The following FAM193B variants were observed in gnomAD, a reference collection of about 807,000 sequenced individuals.
FAM193B encodes the protein protein FAM193B.
Under a neutral mutation model 70.7 loss-of-function variants are expected in FAM193B, and 27 were observed. That is an observed-to-expected ratio of 0.38 (90% confidence interval 0.28 to 0.53). The LOEUF (loss-of-function observed/expected upper bound fraction) is 0.53, where lower values mean the gene tolerates loss of function less well. FAM193B is among the 20% of genes least tolerant of loss of function. The probability of loss-of-function intolerance (pLI) is 0.81; values close to 1 mark genes in which losing one functional copy is unlikely to be tolerated. For synonymous variants in FAM193B, 448 were observed against 436.0 expected (o/e 1.03, Z -0.34); for missense variants, 1,022 against 1,072.5 (o/e 0.95, Z 0.66).
Position 177,524,731 on chromosome 5 carries a change from C to A in FAM193B, c.1750G>T (p.Val584Leu), listed in dbSNP as rs367800479. The A allele has an allele frequency of 4.5e-6, 7 of 1,553,026 alleles. No homozygotes were observed. In the South Asian group the frequency reaches 7.4e-5, roughly 16 times the overall value. Residue 584 changes from valine to leucine, a missense_variant, in exon 6 of 9, where the codon GTG becomes TTG. Transcript: ENST00000514747. ...PPGIVPENGL[V>L]RRLNTVPNLS... Reference sequence around the variant, plus strand: ...TTGGGCACGGTGTTGAGTCTCCTCACGAGCCCGTTCTCGGGGACGATACCG... The same window carrying A: ...TTGGGCACGGTGTTGAGTCTCCTCAAGAGCCCGTTCTCGGGGACGATACCG...
In FAM193B at chr5:177,534,463, A is replaced by AT. The variant is rs961185759; in HGVS notation, c.1077-1823dup. ...AGACACACGCCACCATGCCCAGCTA[A>AT]TTTTTTTTTTTTGTATTTTTAATAG... On this transcript the variant is annotated intron_variant, in intron 4 of 8. Transcript: ENST00000514747. Among the ~76,000 whole-genome samples, 319 of 144,494 alleles carry AT rather than the reference A, an allele frequency of 2.2e-3. 2 individuals carry two copies. Among genetic ancestry groups the AT allele is most frequent in the African/African-American group, 6.1e-3 (242 of 39,556 alleles). The allele number at this position is 144,494 out of a possible 152,430, so 94.8% of individuals were successfully genotyped here.
Position 177,539,166 on chromosome 5 carries a change from C to G in FAM193B, c.211-19G>C. ...GGGGGACCTGTCCAACAGACAGAAA[C>G]AGGGTTTCCCAGGAGGGGAAAGGCT... is the stretch of plus-strand genomic sequence containing the variant. On this transcript the variant is annotated intron_variant, in intron 1 of 8. Coordinates refer to ENST00000514747, the MANE Select transcript of FAM193B (RefSeq NM_001190946.3). 1 of 1,528,652 alleles carries G rather than the reference C, an allele frequency of 6.5e-7. No individual in the cohort carries two copies. The highest frequency in any genetic ancestry group is 2.4e-5 in the East Asian group (1 of 40,862). 94.7% of individuals were successfully genotyped at this position (1,528,652 alleles called of 1,614,324 possible).
chr5:177,549,187 C>CTTTTTT (rs141797022), intron 1 of FAM193B, among the ~76,000 whole-genome samples: 5 of 93,022 alleles, frequency 5.4e-5, no homozygotes, highest in East Asian at 5.9e-4. Flanking sequence ...ATTGTCTTTT[C>CTTTTTT]TTTTTTTTTT....
intron 1 of FAM193B, among the ~76,000 whole-genome samples, chr5:177,551,472 G>A (rs982656579): frequency 3.3e-5 from 5 of 152,056 alleles, no homozygotes; most frequent in Admixed American, 2.0e-4. Flanking sequence ...TGAGTGAAGG[G>A]GCCTGGAAAG....
chr5:177,539,421 C>T (rs571563832), intron 1 of FAM193B: 1 of 368,210 alleles, frequency 2.7e-6, no homozygotes, highest in African/African-American at 2.1e-5. Context: ...GGCTCCAAAA[C>T]TCATGCTCAA....
rs1410456408 is a variant in FAM193B at position 177,554,336 on chromosome 5, C to T, written c.123G>A (p.Ala41=). 5.6e-6 allele frequency: 7 copies of T among 1,260,644 alleles called. No homozygotes were observed. Among genetic ancestry groups the T allele is most frequent in the Admixed American group, 8.2e-5 (2 of 24,278 alleles). The allele number at this position is 1,260,644 out of a possible 1,614,324, so 78.1% of individuals were successfully genotyped here. A position where few individuals can be genotyped will look rare whatever the true frequency, so the allele number is the denominator to read the frequency against. Reference sequence around the variant, plus strand: ...CCGGCGCCTCCGGAGGGCCTGCACCCGCTCCCGCCTCCAGGCTTGGCGGCG... The same window carrying T: ...CCGGCGCCTCCGGAGGGCCTGCACCTGCTCCCGCCTCCAGGCTTGGCGGCG... The part of the protein sequence containing the change: ...PPPPPSLEAG[A]GAGPPEAPAE... Residue 41 remains alanine, a synonymous_variant, in exon 1 of 9, where the codon GCG becomes GCA. Transcript: ENST00000514747.
At chr5:177,550,036 TG>T (rs1489226251) in intron 1 of FAM193B, among the ~76,000 whole-genome samples, 10 of 152,146 alleles carry the variant, frequency 6.6e-5, no homozygotes, top group African/African-American at 9.7e-5. Context: ...AAAACTCAGC[TG>T]GGTGTAGTGG....
intron 8 of FAM193B, among the ~76,000 whole-genome samples, chr5:177,520,571 C>A (rs747195436): frequency 6.6e-6 from 1 of 152,174 alleles, no homozygotes; most frequent in Non-Finnish European, 1.5e-5. Context: ...AGAGGGGCAT[C>A]TTCTATCTTG....
intron 1 of FAM193B, among the ~76,000 whole-genome samples, chr5:177,544,169 C>A (rs891155324): frequency 2.6e-5 from 4 of 152,226 alleles, no homozygotes; most frequent in Non-Finnish European, 4.4e-5. Context: ...AGATTACTCA[C>A]AAGGGATCCA....
At chr5:177,531,859 T>C (rs1474154978) in intron 5 of FAM193B, 7 of 1,170,780 alleles carry the variant, frequency 6.0e-6, no homozygotes, top group Non-Finnish European at 7.6e-6. Context: ...ATGAGGATAA[T>C]AACCCCTAGC....
intron 1 of FAM193B, among the ~76,000 whole-genome samples, chr5:177,545,090 C>G (rs1765253276): frequency 6.6e-6 from 1 of 152,172 alleles, no homozygotes; most frequent in African/African-American, 2.4e-5. Context: ...GTCATCCAGG[C>G]TGGAGTGCAG....
At chr5:177,547,130 A>C (rs1215674143) in intron 1 of FAM193B, 1 of 152,142 alleles carries the variant, frequency 6.6e-6, no homozygotes, top group Non-Finnish European at 1.5e-5. Context: ...TATTTTACAG[A>C]GTTGTGAGGA....
intron 1 of FAM193B, among the ~76,000 whole-genome samples, chr5:177,547,869 C>T (rs1765651507): frequency 6.6e-6 from 1 of 152,190 alleles, no homozygotes; most frequent in Non-Finnish European, 1.5e-5. Context: ...TGGACTGCAG[C>T]ATGTTGGCCC....
intron 1 of FAM193B, among the ~76,000 whole-genome samples, chr5:177,540,952 C>T (rs1462198498): frequency 6.6e-6 from 1 of 152,122 alleles, no homozygotes; most frequent in Non-Finnish European, 1.5e-5. Context: ...ATCCTTAAAC[C>T]TCTAATGTTA....
intron 5 of FAM193B, among the ~76,000 whole-genome samples, chr5:177,526,940 C>T (rs1762703497): frequency 1.3e-5 from 2 of 152,234 alleles, no homozygotes. Flanking sequence ...CTGAGGGAGA[C>T]AACAGCAAAC....
At chr5:177,547,103 A>G (rs1439597284) in intron 1 of FAM193B, 1 of 152,218 alleles carries the variant, frequency 6.6e-6, no homozygotes, top group African/African-American at 2.4e-5. Flanking sequence ...CTCATTTATG[A>G]AATGGGAATA....
intron 1 of FAM193B, chr5:177,553,276 C>T (rs1766540442): frequency 4.1e-6 from 4 of 987,282 alleles, no homozygotes; most frequent in African/African-American, 1.7e-5. Context: ...CAGAGCCAAA[C>T]GCATCTTCCG....
intron 1 of FAM193B, chr5:177,547,285 T>TATTTATTTA (rs1765554588): frequency 1.6e-5 from 1 of 61,852 alleles, no homozygotes; most frequent in Non-Finnish European, 3.2e-5. Context: ...CAAATTTATT[T>TATTTATTTA]CTTTTTTTTT....
chr5:177,519,888 A>C lies in FAM193B; in HGVS notation c.*295T>G, dbSNP rs1761460383. On this transcript the variant is annotated 3_prime_UTR_variant, in exon 9 of 9. Transcript: ENST00000514747. ...ACAAAATAAAAACAAAAACAAAAAAACCAAACACAAAGAGAGCAGTGTTGG... is the reference window on the plus strand; with the variant it reads ...ACAAAATAAAAACAAAAACAAAAAACCCAAACACAAAGAGAGCAGTGTTGG... 6.6e-6 allele frequency: 1 copy of C among 152,262 alleles called. No individual in the cohort carries two copies. 9.4% of individuals were successfully genotyped at this position (152,262 alleles called of 1,614,324 possible). A position where few individuals can be genotyped will look rare whatever the true frequency, so the allele number is the denominator to read the frequency against.
Sources: allele counts gnomAD v4.1 joint callset (sites outside exome capture counted in the v4.1 genomes callset), GRCh38; gene constraint gnomAD v4.1.1; transcripts MANE v1.5; gene names NCBI Gene and HGNC (gene_info 2026-07-23, HGNC 2026-07-21).